The following FRYL variants were observed in gnomAD, a reference collection of about 807,000 sequenced individuals.
The protein encoded by FRYL is protein furry homolog-like.
Under a neutral mutation model 351.2 loss-of-function variants are expected in FRYL, and 150 were observed. That is an observed-to-expected ratio of 0.43 (90% CI 0.37 to 0.49). The LOEUF (loss-of-function observed/expected upper bound fraction) is 0.49. Among genes scored for constraint, FRYL ranks in the 20% least tolerant of loss-of-function variants. The pLI, the probability that FRYL is intolerant of heterozygous loss-of-function variation, is 0.00. For missense variants in FRYL, 3,036 were observed against 3,619.3 expected (o/e 0.84, Z 4.13); for synonymous variants, 1,153 against 1,257.1 (o/e 0.92, Z 1.75).
In FRYL at chr4:48,563,997, T is replaced by A; in HGVS notation, c.3547A>T (p.Arg1183Trp). Reference protein sequence around the residue: ...AVDRCYTGSGRVAAGCFKAIA... With the variant: ...AVDRCYTGSGWVAAGCFKAIA... Reference sequence around the variant, plus strand: ...GCTTTAAAGCAGCCGGCCGCCACCCTCCCGGAGCCCGTGTAGCAGCGGTCC... The same window carrying A: ...GCTTTAAAGCAGCCGGCCGCCACCCACCCGGAGCCCGTGTAGCAGCGGTCC... The change falls in exon 31 of 64, where the codon AGG becomes TGG. Residue 1183 changes from arginine (R) to tryptophan (W), a missense_variant. Arg to Trp is a moderately radical substitution (Grantham distance 101). Transcript: ENST00000358350. The A allele has an allele frequency of 6.2e-7, 1 of 1,614,074 alleles. No individual in the cohort carries two copies. The highest frequency in any genetic ancestry group is 8.5e-7 in the Non-Finnish European group (1 of 1,179,990).
chr4:48,502,913 A>C, intron 60 of FRYL, 68 bp from the exon 61 acceptor site: 1 of 1,306,434 alleles, frequency 7.7e-7, no homozygotes, highest in South Asian at 1.2e-5. Context: ...TAGTGTAAGA[A>C]ATCATTTTAA....
At chr4:48,571,021 T>C (rs17575727) in intron 26 of FRYL, 103 bp from the exon 27 acceptor site, 41,970 of 866,200 alleles carry the variant, frequency 0.048, 1,278 homozygotes, top group Middle Eastern at 0.068. Context: ...TTGAAGTTAT[T>C]TTGCTTGTAC....
chr4:48,723,905 G>A (rs1769771458), intron 1 of FRYL, among the ~76,000 whole-genome samples: 1 of 149,110 alleles, frequency 6.7e-6, no homozygotes. Flanking sequence ...AGGCAATATA[G>A]TAAGACCCCA....
rs1739276344 is a variant in FRYL at position 48,574,988 on chromosome 4, G to T, written c.2846+129C>A. Reference sequence around the variant, plus strand: ...AATGTTACATGGCTAGTTAATTGGTGAAAGTCAGGCCTGGTATGCGGTCAA... The same window carrying T: ...AATGTTACATGGCTAGTTAATTGGTTAAAGTCAGGCCTGGTATGCGGTCAA... On this transcript the variant is annotated intron_variant, in intron 25 of 63. Transcript: ENST00000358350. 9.2e-6 allele frequency: 6 copies of T among 655,730 alleles called. No homozygotes were observed. In the South Asian group the frequency reaches 1.4e-4, roughly 16 times the overall value. The allele number at this position is 655,730 out of a possible 1,614,324, so 40.6% of individuals were successfully genotyped here.
At chr4:48,761,505 A>C (rs1774417416) in intron 1 of FRYL, among the ~76,000 whole-genome samples, 1 of 152,170 alleles carries the variant, frequency 6.6e-6, no homozygotes, top group South Asian at 2.1e-4. Flanking sequence ...GTGTCCAGTA[A>C]TATCCTAGGC....
intron 1 of FRYL, among the ~76,000 whole-genome samples, chr4:48,769,859 A>T (rs1775333504): frequency 6.6e-6 from 1 of 152,240 alleles, no homozygotes; most frequent in South Asian, 2.1e-4. Flanking sequence ...TTTATGAGAC[A>T]TTCTCAAAAT....
At chr4:48,533,825 CA>C (rs1211857549) in intron 49 of FRYL, among the ~76,000 whole-genome samples, 1 of 152,066 alleles carries the variant, frequency 6.6e-6, no homozygotes, top group African/African-American at 2.4e-5. Context: ...ATCAGACACA[CA>C]AAAAAATCTC....
chr4:48,643,954 T>TG (rs1304829810), intron 3 of FRYL, among the ~76,000 whole-genome samples: 8 of 152,204 alleles, frequency 5.3e-5, no homozygotes, highest in Non-Finnish European at 1.2e-4. Context: ...TAAAATTTTT[T>TG]TTTTTTGACA....
chr4:48,710,387 G>C (rs1276733674), intron 2 of FRYL, 132 bp downstream of exon 2: 1 of 391,614 alleles, frequency 2.6e-6, no homozygotes, highest in African/African-American at 2.1e-5. Flanking sequence ...AAAATGTTTT[G>C]AGGTCTTGAA....
At position 48,499,633 on chromosome 4, in the gene FRYL, A is replaced by G; in HGVS notation, c.8831T>C (p.Val2944Ala). ...GAAATATATATGTAACAGTGTCTGT[A>G]CAGGGTCATCTTCACAACTGCCAAA... ...DIFGSCEDDP[V>A]QTLLHIYFHH... Residue 2944 changes from valine to alanine, a missense_variant, in exon 64 of 64, where the codon GTA (valine) becomes GCA (alanine). Physicochemically the swap from Val to Ala is moderately conservative, Grantham distance 64. Around this residue, in one of 7 missense-constraint regions of FRYL, gnomAD observed 1,987 missense variants for 2,311.7 expected, o/e 0.86. Transcript: ENST00000358350. 1 of 1,614,014 alleles carries G rather than the reference A, an allele frequency of 6.2e-7. No homozygotes were observed. The highest frequency in any genetic ancestry group is 1.7e-5 in the Admixed American group (1 of 60,026).
intron 33 of FRYL, 24 bp downstream of exon 33, chr4:48,561,444 T>C: frequency 6.8e-7 from 1 of 1,477,466 alleles, no homozygotes; most frequent in East Asian, 2.3e-5. Flanking sequence ...AAATAGAAAC[T>C]ACTAACCAGT....
chr4:48,706,638 GT>G (rs887003283), intron 2 of FRYL, among the ~76,000 whole-genome samples: 20 of 152,336 alleles, frequency 1.3e-4, no homozygotes, highest in African/African-American at 3.8e-4. Context: ...AAAATGTTAA[GT>G]TTACATTATG....
Position 48,565,538 on chromosome 4 carries a change from G to A in FRYL, c.3323C>T (p.Ala1108Val), listed in dbSNP as rs775967535. 5.1e-6 allele frequency: 8 copies of A among 1,571,780 alleles called. No individual in the cohort carries two copies. Among genetic ancestry groups the A allele is most frequent in the African/African-American group, 2.8e-5 (2 of 72,594 alleles). The change falls in exon 29 of 64, where the codon GCG (alanine) becomes GTG (valine). Residue 1108 changes from alanine to valine, a missense_variant. Ala to Val is a moderately conservative substitution (Grantham distance 64, BLOSUM62 0). Coordinates refer to ENST00000358350, the MANE Select transcript of FRYL (RefSeq NM_015030.2). ...NMQINRHQYC[A>V]LKAMSAVLCC... Reference sequence around the variant, plus strand: ...AGGTTTCTAAGTAAATACCTTTAACGCACAGTATTGATGTCTATTAATTTG... The same window carrying A: ...AGGTTTCTAAGTAAATACCTTTAACACACAGTATTGATGTCTATTAATTTG...
At chr4:48,586,924 T>G (rs1314548299) in intron 18 of FRYL, among the ~76,000 whole-genome samples, 196 bp from the exon 19 acceptor site, 6 of 152,108 alleles carry the variant, frequency 3.9e-5, no homozygotes, top group Non-Finnish European at 8.8e-5. Context: ...TAATTCAAAA[T>G]AAAACCAGCA....
chr4:48,726,693 A>C (rs1770127282), intron 1 of FRYL, among the ~76,000 whole-genome samples: 1 of 152,032 alleles, frequency 6.6e-6, no homozygotes, highest in Admixed American at 6.6e-5. Context: ...AAAACAAACA[A>C]ACAAACAAAC....
At chr4:48,663,413 T>C (rs1761158530) in intron 3 of FRYL, among the ~76,000 whole-genome samples, 1 of 150,794 alleles carries the variant, frequency 6.6e-6, no homozygotes, top group Admixed American at 6.6e-5. Context: ...ACTACACAAT[T>C]AATCCAAAAG....
chr4:48,514,914 A>G (rs1291664314), intron 56 of FRYL, 114 bp downstream of exon 56: 1 of 901,392 alleles, frequency 1.1e-6, no homozygotes, highest in East Asian at 2.5e-5. Flanking sequence ...ATGATTACAG[A>G]CTGAAACACA....
chr4:48,587,666 C>T (rs1172600295), intron 18 of FRYL, among the ~76,000 whole-genome samples: 2 of 152,038 alleles, frequency 1.3e-5, no homozygotes, highest in Non-Finnish European at 2.9e-5. Context: ...GCCTCAGCCT[C>T]CCGAGTAGCT....
chr4:48,582,546 T>C lies in FRYL; in HGVS notation c.1937A>G (p.Asn646Ser). ...NAVKMLVQLI[N>S]QWKQAAQMHN... The stretch of plus-strand genomic sequence containing the variant: ...CATTTGGGCTGCTTGTTTCCACTGA[T>C]TTATTAATTGTACCAACATCTTTAC... Residue 646 changes from asparagine (N) to serine (S), a missense_variant, in exon 20 of 64, where the codon AAT becomes AGT. By Grantham distance (46) the Asn-to-Ser change is conservative. Transcript: ENST00000358350. 6.2e-7 allele frequency: 1 copy of C among 1,614,126 alleles called. No homozygotes were observed. The highest frequency in any genetic ancestry group is 1.1e-5 in the South Asian group (1 of 91,080).
Sources: gnomAD v4.1 joint callset for allele counts (sites outside exome capture counted in the v4.1 genomes callset) on GRCh38, gnomAD v4.1.1 for gene constraint, gnomAD v4.1.1 regional missense constraint, MANE v1.5 for transcripts, NCBI Gene and HGNC (gene_info 2026-07-23, HGNC 2026-07-21) for gene names.